YEATS2: variants seen among roughly 807,000 people sequenced by gnomAD.
YEATS2 encodes YEATS domain containing 2.
YEATS2 carries 77 observed loss-of-function variants against 163.2 expected under a neutral mutation model. The observed-to-expected ratio is 0.47, with a 90% CI of 0.39 to 0.57. The LOEUF (loss-of-function observed/expected upper bound fraction) is 0.57, where lower values mean the gene tolerates loss of function less well. Ranked by LOEUF, YEATS2 falls within the 20% of genes least tolerant of loss-of-function variation. The probability of loss-of-function intolerance (pLI) is 0.00; values close to 1 mark genes in which losing one functional copy is unlikely to be tolerated. For synonymous variants in YEATS2, 631 were observed against 645.1 expected (o/e 0.98, Z 0.33); for missense variants, 1,549 against 1,729.8 (o/e 0.90, Z 1.85).
intron 30 of YEATS2, chr3:183,810,266 A>T: frequency 6.0e-6 from 3 of 497,968 alleles, no homozygotes; most frequent in Non-Finnish European, 1.1e-5. Flanking sequence ...TTTTTTCCTA[A>T]TTATTCAACC....
At chr3:183,782,495 C>T (rs1180035564) in intron 19 of YEATS2, among the ~76,000 whole-genome samples, 1 of 152,034 alleles carries the variant, frequency 6.6e-6, no homozygotes, top group Non-Finnish European at 1.5e-5. Context: ...GTGATCTCAG[C>T]TCACTACGAC....
chr3:183,775,851 T>C, intron 17 of YEATS2, 64 bp from the exon 18 acceptor site: 1 of 1,606,344 alleles, frequency 6.2e-7, no homozygotes, highest in Non-Finnish European at 8.5e-7. Context: ...GGCTCATTTG[T>C]TTTTTATGCT....
Position 183,773,739 on chromosome 3 carries a change from A to G in YEATS2, c.2313A>G (p.Lys771=), listed in dbSNP as rs1333167560. 1.2e-6 allele frequency: 2 copies of G among 1,613,398 alleles called. No homozygotes were observed. The highest frequency in any genetic ancestry group is 1.7e-6 in the Non-Finnish European group (2 of 1,179,826). The part of the protein sequence containing the change: ...LTTNSKNPSG[K]GKLLLIPQGA... ...CAAACAGCAAGAACCCTTCAGGAAA[A>G]GGAAAACTGCTGCTGATCCCTCAAG... Residue 771 remains lysine, a synonymous_variant, in exon 17 of 31, where the codon AAA becomes AAG. Coordinates refer to ENST00000305135, the MANE Select transcript of YEATS2 (RefSeq NM_018023.5).
chr3:183,758,226 G>A lies in YEATS2; in HGVS notation c.1553-636G>A, dbSNP rs554041546. The stretch of plus-strand genomic sequence containing the variant: ...AGAAAAATTAGCCAGGTGTGGTAGC[G>A]CGTGCCTGTAGTCCCAGCTACTGGG... On this transcript the variant is annotated intron_variant, in intron 12 of 30. Coordinates refer to ENST00000305135, the MANE Select transcript of YEATS2 (RefSeq NM_018023.5). Among the ~76,000 whole-genome samples the A allele has an allele frequency of 5.0e-4, 76 of 152,178 alleles. 2 individuals carry two copies. The South Asian group carries it at 0.014, about 28-fold the overall frequency.
At chr3:183,741,020 C>G (rs1718899074) in intron 8 of YEATS2, among the ~76,000 whole-genome samples, 1 of 152,044 alleles carries the variant, frequency 6.6e-6, no homozygotes, top group Non-Finnish European at 1.5e-5. Flanking sequence ...CTCACTGCAA[C>G]CTTTGTATCC....
At chr3:183,762,991 C>T (rs1355892846) in intron 15 of YEATS2, among the ~76,000 whole-genome samples, 4 of 151,488 alleles carry the variant, frequency 2.6e-5, no homozygotes, top group East Asian at 1.9e-4. Context: ...GCAGAGGTTG[C>T]GGTGAGCTGA....
At chr3:183,712,187 CTTTTATTTTATTTTA>C (rs58510341) in intron 1 of YEATS2, among the ~76,000 whole-genome samples, 25 of 113,460 alleles carry the variant, frequency 2.2e-4, no homozygotes, top group South Asian at 1.3e-3. Flanking sequence ...ATTTTATGTT[CTTTTATTTTATTTTA>C]TTTTATTTTA....
At position 183,761,549 on chromosome 3, in the gene YEATS2, A is replaced by C; in HGVS notation, c.1699A>C (p.Ile567Leu). ...LFASMPPLCP[I>L]GSHPKVQSPK... Reference sequence around the variant, plus strand: ...TGCATCTATGCCACCTCTTTGCCCAATTGGGAGTCACCCTAAGGTTCAAAG... The same window carrying C: ...TGCATCTATGCCACCTCTTTGCCCACTTGGGAGTCACCCTAAGGTTCAAAG... Residue 567 changes from isoleucine (I) to leucine (L), a missense_variant, in exon 14 of 31, where the codon ATT (isoleucine) becomes CTT (leucine). Transcript: ENST00000305135. 1 of 1,614,184 alleles carries C rather than the reference A, an allele frequency of 6.2e-7. No individual in the cohort carries two copies. Among genetic ancestry groups the C allele is most frequent in the Non-Finnish European group, 8.5e-7 (1 of 1,180,012 alleles).
In YEATS2 at chr3:183,705,013, T is replaced by C. The variant is rs145099583; in HGVS notation, c.-20+7020T>C. ...GTATTTGTTAATTCTGGCTTGTTAA[T>C]TACCAGATATATATCTATATCATCT... On this transcript the variant is annotated intron_variant, in intron 1 of 30. Coordinates refer to ENST00000305135, the MANE Select transcript of YEATS2 (RefSeq NM_018023.5). 2.2e-3 allele frequency among the ~76,000 whole-genome samples: 341 copies of C among 152,220 alleles called. 2 individuals are homozygous for C. Among genetic ancestry groups the C allele is most frequent in the African/African-American group, 7.7e-3 (321 of 41,538 alleles).
Position 183,721,902 on chromosome 3 carries a change from A to G in YEATS2, c.303A>G (p.Thr101=). The G allele has an allele frequency of 6.2e-7, 1 of 1,614,126 alleles. No individual in the cohort carries two copies. Among genetic ancestry groups the G allele is most frequent in the Non-Finnish European group, 8.5e-7 (1 of 1,179,984 alleles). Residue 101 remains threonine, a synonymous_variant, in exon 5 of 31, where the codon ACA becomes ACG. Transcript: ENST00000305135. ...GLLKVSEGSK[T]CDTMVFNHPA... ...TTCATTTTTTGTAGGGATCAAAGAC[A>G]TGTGATACAATGGTTTTTAATCATC...
intron 8 of YEATS2, 130 bp downstream of exon 8, chr3:183,736,959 A>G (rs1718405571): frequency 1.5e-6 from 1 of 667,226 alleles, no homozygotes. Flanking sequence ...GACTCCCCCA[A>G]AACTTAACTA....
chr3:183,781,201 G>T (rs1723526690), intron 19 of YEATS2, among the ~76,000 whole-genome samples: 1 of 152,114 alleles, frequency 6.6e-6, no homozygotes, highest in Non-Finnish European at 1.5e-5. Flanking sequence ...CTGTTAGCAG[G>T]CTGGAGATCA....
In YEATS2 at chr3:183,793,302, G is replaced by A. The variant is rs558350233; in HGVS notation, c.3097+2322G>A. On this transcript the variant is annotated intron_variant, in intron 21 of 30. Transcript: ENST00000305135. ...TGTAGCTCCACACCAGGCCCCTTGT[G>A]TCTTGTTTGGATAGAGAACAAAAAA... The A allele has an allele frequency of 7.1e-6, 8 of 1,122,420 alleles. No individual in the cohort carries two copies. The African/African-American group carries it at 1.3e-4, about 18-fold the overall frequency. The allele number at this position is 1,122,420 out of a possible 1,614,324, so 69.5% of individuals were successfully genotyped here.
intron 1 of YEATS2, among the ~76,000 whole-genome samples, chr3:183,702,976 C>T (rs1342389688): frequency 2.0e-5 from 3 of 152,098 alleles, no homozygotes; most frequent in African/African-American, 4.8e-5. Context: ...TTGTAGACAG[C>T]GTACTGGCCA....
intron 8 of YEATS2, among the ~76,000 whole-genome samples, chr3:183,746,534 G>A (rs187804258): frequency 1.3e-5 from 2 of 152,042 alleles, no homozygotes; most frequent in Admixed American, 6.6e-5. Flanking sequence ...TACTAGTTCT[G>A]TCCTATCCAA....
At chr3:183,712,936 T>G (rs754871879) in intron 1 of YEATS2, among the ~76,000 whole-genome samples, 1 of 151,910 alleles carries the variant, frequency 6.6e-6, no homozygotes, top group African/African-American at 2.4e-5. Flanking sequence ...AATTTTTGTA[T>G]TTTTAGTGGA....
At position 183,791,315 on chromosome 3, in the gene YEATS2, G is replaced by A. The variant is rs375662237; in HGVS notation, c.3097+335G>A. Among the ~76,000 whole-genome samples, 381 of 152,306 alleles carry A rather than the reference G, an allele frequency of 2.5e-3. 1 individual carries two copies. Among genetic ancestry groups the A allele is most frequent in the African/African-American group, 6.4e-3 (266 of 41,560 alleles). On this transcript the variant is annotated intron_variant, in intron 21 of 30. Coordinates refer to ENST00000305135, the MANE Select transcript of YEATS2 (RefSeq NM_018023.5). ...CTCCCAAAGTGCTGGGATTACAGGC[G>A]TGAGCCACTGTGCCCAGCTATTTTT...
intron 19 of YEATS2, 26 bp downstream of exon 19, chr3:183,777,726 A>G (rs1186604626): frequency 7.5e-6 from 12 of 1,592,326 alleles, no homozygotes; most frequent in Admixed American, 1.8e-5. Context: ...CACACACCCC[A>G]AATATGGGGT....
chr3:183,770,256 C>T (rs1256677688), intron 15 of YEATS2, among the ~76,000 whole-genome samples: 3 of 151,708 alleles, frequency 2.0e-5, no homozygotes, highest in South Asian at 2.1e-4. Context: ...GGCGTGGTGG[C>T]GCCTGTAGTC....
Sources: gnomAD v4.1 joint callset for allele counts (sites outside exome capture counted in the v4.1 genomes callset) on GRCh38, gnomAD v4.1.1 for gene constraint, MANE v1.5 for transcripts, NCBI Gene and HGNC (gene_info 2026-07-23, HGNC 2026-07-21) for gene names.